Variants in USP7 observed in about 807,000 individuals in gnomAD.
USP7 encodes ubiquitin C-terminal hydrolase 7.
Under a neutral mutation model 162.9 loss-of-function variants are expected in USP7, and 9 were observed. The ratio of observed to expected loss-of-function variants is 0.06; its 90% CI spans 0.03 to 0.10. The LOEUF is 0.10. USP7 is among the 10% of genes least tolerant of loss of function. The pLI is 1.00. For synonymous variants in USP7, 562 were observed against 475.9 expected (o/e 1.18, Z -2.35); for missense variants, 715 against 1,373.7 (o/e 0.52, Z 7.58).
At chr16:8,941,172 T>A (rs1038003673) in intron 1 of USP7, among the ~76,000 whole-genome samples, 3 of 152,120 alleles carry the variant, frequency 2.0e-5, no homozygotes, top group African/African-American at 4.8e-5. Context: ...CCAAATTACT[T>A]CCCAGCCCTC....
At chr16:8,952,837 G>GA (rs1899619745) in intron 1 of USP7, among the ~76,000 whole-genome samples, 3 of 148,740 alleles carry the variant, frequency 2.0e-5, no homozygotes, top group Admixed American at 6.8e-5. Context: ...GACCACACTC[G>GA]CTTTTTTTTT....
chr16:8,895,581 A>C, intron 27 of USP7, 61 bp downstream of exon 27: 2 of 1,337,638 alleles, frequency 1.5e-6, no homozygotes, highest in Non-Finnish European at 2.1e-6. Flanking sequence ...GTGATATTTA[A>C]ATATGCAGCA....
rs2061826446 is a variant in USP7, at chr16:8,904,422, G to T, written c.1704+13C>A. On this transcript the variant is annotated intron_variant, in intron 15 of 30. Coordinates refer to ENST00000344836, the MANE Select transcript of USP7 (RefSeq NM_003470.3). ...GCATGGTGACCCGGAGTCCCAGAAG[G>T]GCGGGGGCTGACCTGCACTTGCATA... 1 of 1,612,638 alleles carries T rather than the reference G, an allele frequency of 6.2e-7. No individual in the cohort carries two copies. Among genetic ancestry groups the T allele is most frequent in the African/African-American group, 1.3e-5 (1 of 74,934 alleles).
At position 8,900,242 on chromosome 16, in the gene USP7, T is replaced by C. The variant is rs774583597; in HGVS notation, c.2309+288A>G. 3 of 339,616 alleles carry C rather than the reference T, an allele frequency of 8.8e-6. No individual in the cohort carries two copies. The South Asian group carries it at 1.5e-4, about 17-fold the overall frequency. 21.0% of individuals were successfully genotyped at this position (339,616 alleles called of 1,614,324 possible). ...GTAGGTACATTCTAAGGAGTTTCGA[T>C]TTCATAAATCTCAGGGGAAGGAAGC... On this transcript the variant is annotated intron_variant, in intron 21 of 30. Transcript: ENST00000344836.
At chr16:8,953,039 G>C (rs981583690) in intron 1 of USP7, among the ~76,000 whole-genome samples, 2 of 152,120 alleles carry the variant, frequency 1.3e-5, no homozygotes, top group Non-Finnish European at 2.9e-5. Flanking sequence ...GTTTCACCAT[G>C]TTGGTCAGGC....
Position 8,945,211 on chromosome 16 carries a change from C to T in USP7, c.80-14814G>A, listed in dbSNP as rs575136106. Among the ~76,000 whole-genome samples the T allele has an allele frequency of 1.6e-3, 240 of 151,580 alleles. 1 individual carries two copies. Among genetic ancestry groups the T allele is most frequent in the African/African-American group, 5.5e-3 (225 of 41,278 alleles). ...TGCACTCCAGCCTGGGCAACAAGAG[C>T]GAAATTCCATCTTCAAAAAAAAAAT... On this transcript the variant is annotated intron_variant, in intron 1 of 30. Transcript: ENST00000344836.
rs1376501907 is a variant in USP7, at chr16:8,898,242, A to G, written c.2718+118T>C. 7 of 875,826 alleles carry G rather than the reference A, an allele frequency of 8.0e-6. No individual in the cohort carries two copies. In the East Asian group the frequency reaches 1.2e-4, roughly 15 times the overall value. The allele number at this position is 875,826 out of a possible 1,614,324, so 54.3% of individuals were successfully genotyped here. ...GCCCAGGGCTCCCCCAGCCCCCATC[A>G]TGTGCTGTTGTTTAGAGTGTTTTTC... On this transcript the variant is annotated intron_variant, in intron 25 of 30. Coordinates refer to ENST00000344836, the MANE Select transcript of USP7 (RefSeq NM_003470.3).
At position 8,929,864 on chromosome 16, in the gene USP7, G is replaced by A. The variant is rs376979165; in HGVS notation, c.184+429C>T. ...CTTGAATCTGATTTCATCCCTAACA[G>A]GAGCGGGGAGGGATTCATAGCTATC... On this transcript the variant is annotated intron_variant, in intron 2 of 30. Transcript: ENST00000344836. Among the ~76,000 whole-genome samples, 53 of 152,308 alleles carry A rather than the reference G, an allele frequency of 3.5e-4. 1 individual carries two copies. The East Asian group carries it at 5.6e-3, about 16-fold the overall frequency.
intron 1 of USP7, among the ~76,000 whole-genome samples, chr16:8,944,315 G>A (rs951000067): frequency 1.3e-5 from 2 of 152,078 alleles, no homozygotes; most frequent in Admixed American, 6.5e-5. Flanking sequence ...ACAGCTGCCC[G>A]CCTGGAGTCA....
intron 1 of USP7, among the ~76,000 whole-genome samples, chr16:8,939,702 G>C (rs1369882930): frequency 2.6e-5 from 4 of 152,124 alleles, no homozygotes; most frequent in Admixed American, 2.6e-4. Flanking sequence ...TACATTGCTC[G>C]TGCACTTTTT....
rs1048612787 is a variant in USP7, at chr16:8,892,621, A to G, written c.*1377T>C. 2.0e-5 allele frequency: 3 copies of G among 151,306 alleles called. No individual in the cohort carries two copies. The highest frequency in any genetic ancestry group is 2.0e-4 in the Admixed American group (3 of 15,198). 9.4% of individuals were successfully genotyped at this position (151,306 alleles called of 1,614,324 possible). On this transcript the variant is annotated 3_prime_UTR_variant, in exon 31 of 31. Coordinates refer to ENST00000344836, the MANE Select transcript of USP7 (RefSeq NM_003470.3). ...AGTTAGAGGCTAAAAAAAAAAAAAA[A>G]AAAAAAAAGAAACAAGAGACCCTGC... is the stretch of plus-strand genomic sequence containing the variant.
chr16:8,900,305 T>G (rs1052673410), intron 21 of USP7, among the ~76,000 whole-genome samples: 2 of 152,216 alleles, frequency 1.3e-5, no homozygotes, highest in Admixed American at 6.5e-5. Flanking sequence ...CACGTGCACT[T>G]GAGACATTTT....
intron 2 of USP7, among the ~76,000 whole-genome samples, chr16:8,928,921 G>A (rs1259042803): frequency 6.6e-6 from 1 of 151,854 alleles, no homozygotes; most frequent in Non-Finnish European, 1.5e-5. Flanking sequence ...GCAAGTGGAG[G>A]GCAGCAGCCA....
chr16:8,896,491 G>T (rs1479590114), intron 26 of USP7, among the ~76,000 whole-genome samples: 1 of 152,186 alleles, frequency 6.6e-6, no homozygotes, highest in African/African-American at 2.4e-5. Flanking sequence ...GGGCAAAGTA[G>T]TGAGAATCAT....
At chr16:8,896,569 G>C (rs1017357067) in intron 26 of USP7, among the ~76,000 whole-genome samples, 1 of 152,126 alleles carries the variant, frequency 6.6e-6, no homozygotes, top group Non-Finnish European at 1.5e-5. Flanking sequence ...TGGCTAGATG[G>C]AACAGAAGTG....
intron 1 of USP7, among the ~76,000 whole-genome samples, chr16:8,961,275 C>A (rs528839159): frequency 6.6e-6 from 1 of 152,004 alleles, no homozygotes; most frequent in Non-Finnish European, 1.5e-5. Flanking sequence ...GGCAGATCAC[C>A]TGAGGTCGGG....
In USP7 at chr16:8,898,589, A is replaced by G; in HGVS notation, c.2582T>C (p.Leu861Ser). 2 of 1,611,658 alleles carry G rather than the reference A, an allele frequency of 1.2e-6. No individual in the cohort carries two copies. The highest frequency in any genetic ancestry group is 2.2e-5 in the East Asian group (1 of 44,858). Residue 861 changes from leucine (L) to serine (S), a missense_variant, in exon 24 of 31, where the codon TTA becomes TCA. Physicochemically the swap from Leu to Ser is moderately radical, Grantham distance 145. Transcript: ENST00000344836. The stretch of plus-strand genomic sequence containing the variant: ...CTTGAAGAACTGTAGAAGATCTCTT[A>G]AAGTACCTTCATAATTATGTCTAAG... Reference protein sequence around the residue: ...NPLRHNYEGTLRDLLQFFKPR... With the variant: ...NPLRHNYEGTSRDLLQFFKPR...
intron 6 of USP7, among the ~76,000 whole-genome samples, chr16:8,918,342 T>C (rs1042686967): frequency 6.6e-6 from 1 of 152,240 alleles, no homozygotes; most frequent in African/African-American, 2.4e-5. Flanking sequence ...CTAACTCATC[T>C]ATATTAGATT....
chr16:8,947,935 T>C (rs530412191), intron 1 of USP7, among the ~76,000 whole-genome samples: 3 of 152,222 alleles, frequency 2.0e-5, no homozygotes, highest in Admixed American at 2.0e-4. Context: ...TGCCTGGGGA[T>C]TTCTCTGTCT....
Sources: gnomAD v4.1 joint callset for allele counts (sites outside exome capture counted in the v4.1 genomes callset) on GRCh38, gnomAD v4.1.1 for gene constraint, MANE v1.5 for transcripts, NCBI Gene and HGNC (gene_info 2026-07-23, HGNC 2026-07-21) for gene names.